Variants in CCBE1 observed in about 807,000 individuals in gnomAD.
CCBE1 encodes the protein collagen and calcium binding EGF domains 1.
A neutral mutation model predicts 50.0 loss-of-function variants in CCBE1; 37 were observed. The ratio of observed to expected loss-of-function variants is 0.74; its 90% CI spans 0.57 to 0.97. The LOEUF (loss-of-function observed/expected upper bound fraction) is 0.97. Ranked by LOEUF, CCBE1 falls within the 50% of genes least tolerant of loss-of-function variation. The pLI is 0.00. For synonymous variants in CCBE1, 234 were observed against 203.7 expected (o/e 1.15, Z -1.27); for missense variants, 538 against 523.8 (o/e 1.03, Z -0.26).
chr18:59,505,995 G>A (rs551206362), intron 2 of CCBE1, among the ~76,000 whole-genome samples: 22 of 152,330 alleles, frequency 1.4e-4, no homozygotes, highest in African/African-American at 3.6e-4. Context: ...TGACCACAGC[G>A]GAGCTGGGTG....
chr18:59,529,196 C>T (rs970435553), intron 2 of CCBE1, among the ~76,000 whole-genome samples: 3 of 152,044 alleles, frequency 2.0e-5, no homozygotes, highest in African/African-American at 7.2e-5. Context: ...GGAGGCCCTG[C>T]CCGGTGAGGA....
chr18:59,628,945 C>G (rs2053820114), intron 2 of CCBE1, among the ~76,000 whole-genome samples: 1 of 152,180 alleles, frequency 6.6e-6, no homozygotes, highest in Non-Finnish European at 1.5e-5. Flanking sequence ...CCTCTGCTAC[C>G]TCTGAGTTCA....
chr18:59,690,512 G>A (rs2054715626), intron 2 of CCBE1, among the ~76,000 whole-genome samples: 1 of 152,202 alleles, frequency 6.6e-6, no homozygotes, highest in Non-Finnish European at 1.5e-5. Flanking sequence ...TGATTGAAAT[G>A]CAAGCCTTCT....
chr18:59,603,470 G>T (rs922985255), intron 2 of CCBE1, among the ~76,000 whole-genome samples: 1 of 152,124 alleles, frequency 6.6e-6, no homozygotes, highest in African/African-American at 2.4e-5. Context: ...TAAAACATCT[G>T]ATTTAAATAT....
chr18:59,641,204 T>C (rs1053404400), intron 2 of CCBE1, among the ~76,000 whole-genome samples: 1 of 150,092 alleles, frequency 6.7e-6, no homozygotes, highest in Non-Finnish European at 1.5e-5. Flanking sequence ...ATACATGGAA[T>C]CAACTGAATG....
intron 2 of CCBE1, among the ~76,000 whole-genome samples, chr18:59,484,456 C>T (rs1162476288): frequency 6.6e-6 from 1 of 152,250 alleles, no homozygotes; most frequent in African/African-American, 2.4e-5. Context: ...TGATCCCTTA[C>T]AATCTCTCTT....
chr18:59,475,278 C>T (rs1322475404), intron 3 of CCBE1, among the ~76,000 whole-genome samples: 1 of 152,200 alleles, frequency 6.6e-6, no homozygotes, highest in Non-Finnish European at 1.5e-5. Context: ...ATAACACTGC[C>T]AGGCTAACCT....
chr18:59,569,128 A>G (rs143307961), intron 2 of CCBE1, among the ~76,000 whole-genome samples: 9 of 152,134 alleles, frequency 5.9e-5, no homozygotes, highest in African/African-American at 2.2e-4. Flanking sequence ...TTCTCCTCAC[A>G]TGAGTGGCTA....
At chr18:59,437,227 G>T (rs890118826) in intron 10 of CCBE1, among the ~76,000 whole-genome samples, 2 of 152,160 alleles carry the variant, frequency 1.3e-5, no homozygotes, top group Admixed American at 1.3e-4. Flanking sequence ...GCACAAACAC[G>T]CATGTTCTGG....
At chr18:59,503,830 T>C (rs977341049) in intron 2 of CCBE1, among the ~76,000 whole-genome samples, 1 of 152,240 alleles carries the variant, frequency 6.6e-6, no homozygotes, top group African/African-American at 2.4e-5. Flanking sequence ...CCCAGTCACA[T>C]ACCAAATGTC....
intron 6 of CCBE1, among the ~76,000 whole-genome samples, chr18:59,451,952 T>C (rs947007048): frequency 6.6e-6 from 1 of 150,864 alleles, no homozygotes; most frequent in Non-Finnish European, 1.5e-5. Context: ...TTTCCTTTCA[T>C]AGTAATAACT....
intron 5 of CCBE1, among the ~76,000 whole-genome samples, chr18:59,455,921 G>A (rs370193882): frequency 6.6e-5 from 10 of 152,202 alleles, no homozygotes; most frequent in African/African-American, 1.7e-4. Context: ...TAATAACCAC[G>A]ACTATCTAGA....
chr18:59,641,419 G>C (rs1371561098), intron 2 of CCBE1, among the ~76,000 whole-genome samples: 1 of 152,138 alleles, frequency 6.6e-6, no homozygotes, highest in Non-Finnish European at 1.5e-5. Context: ...ACACAAATAA[G>C]GGAACAACAG....
rs756183733 is a variant in CCBE1 at position 59,447,947 on chromosome 18, T to C, written c.775+36A>G. The C allele has an allele frequency of 5.6e-6, 9 of 1,613,582 alleles. No homozygotes were observed. In the South Asian group the frequency reaches 8.8e-5, roughly 16 times the overall value. ...TGAGCTTTTGGCAGGCTTTTTCTGT[T>C]GGTGATCACCCTCCTGTGCCCTCTT... On this transcript the variant is annotated intron_variant, in intron 7 of 10. Transcript: ENST00000439986.
intron 2 of CCBE1, among the ~76,000 whole-genome samples, chr18:59,674,467 C>G (rs968327729): frequency 6.6e-6 from 1 of 151,904 alleles, no homozygotes; most frequent in Non-Finnish European, 1.5e-5. Context: ...TGGGGCCTGT[C>G]GGTGGGTAGG....
intron 2 of CCBE1, among the ~76,000 whole-genome samples, chr18:59,656,536 A>C (rs1529532): frequency 0.089 from 13,552 of 152,290 alleles, 757 homozygotes; most frequent in East Asian, 0.14. Context: ...AATTGTTCTT[A>C]AAGGAAGAAT....
intron 2 of CCBE1, among the ~76,000 whole-genome samples, chr18:59,626,632 T>C (rs944453505): frequency 7.2e-5 from 11 of 152,384 alleles, no homozygotes; most frequent in Non-Finnish European, 1.6e-4. Context: ...GAGGAAGCAA[T>C]TGAGGCCCAG....
intron 2 of CCBE1, among the ~76,000 whole-genome samples, chr18:59,630,091 T>C (rs1599080410): frequency 6.6e-6 from 1 of 152,208 alleles, no homozygotes; most frequent in Non-Finnish European, 1.5e-5. Flanking sequence ...ACAGGAGTTT[T>C]CCAGGCCCCC....
At chr18:59,596,731 C>G (rs193237781) in intron 2 of CCBE1, among the ~76,000 whole-genome samples, 23 of 152,330 alleles carry the variant, frequency 1.5e-4, no homozygotes, top group South Asian at 8.3e-4. Flanking sequence ...ATTTCCATCA[C>G]GTAGCAAAGG....
Sources: allele counts gnomAD v4.1 joint callset (sites outside exome capture counted in the v4.1 genomes callset), GRCh38; gene constraint gnomAD v4.1.1; transcripts MANE v1.5; gene names NCBI Gene and HGNC (gene_info 2026-07-23, HGNC 2026-07-21).